YWHAQ: variants seen among roughly 807,000 people sequenced by gnomAD.
The protein encoded by YWHAQ is 14-3-3 protein theta.
A neutral mutation model predicts 28.3 loss-of-function variants in YWHAQ; 6 were observed. That is an observed-to-expected ratio of 0.21 (90% CI 0.12 to 0.42). YWHAQ has a LOEUF of 0.42. Among genes scored for constraint, YWHAQ ranks in the 10% least tolerant of loss-of-function variants. YWHAQ has a pLI of 1.00. For missense variants in YWHAQ, 201 were observed against 305.6 expected (o/e 0.66, Z 2.55); for synonymous variants, 143 against 119.1 (o/e 1.20, Z -1.31).
chr2:9,611,870 T>C (rs566197551), intron 2 of YWHAQ, among the ~76,000 whole-genome samples: 1 of 152,348 alleles, frequency 6.6e-6, no homozygotes, highest in South Asian at 2.1e-4. Flanking sequence ...GGTTTGGCCA[T>C]GTTGGCCAGG....
chr2:9,615,081 C>T (rs1667018364), intron 2 of YWHAQ, among the ~76,000 whole-genome samples: 1 of 152,156 alleles, frequency 6.6e-6, no homozygotes, highest in Non-Finnish European at 1.5e-5. Context: ...TATGTCCTTA[C>T]AGCTTACCAA....
intron 2 of YWHAQ, among the ~76,000 whole-genome samples, chr2:9,595,729 C>T (rs1032238344): frequency 7.4e-5 from 11 of 148,542 alleles, no homozygotes; most frequent in African/African-American, 2.5e-4. Flanking sequence ...AGTCACCAGA[C>T]GGGAGTATAG....
rs1168207842 is a variant in YWHAQ at position 9,630,574 on chromosome 2, G to A, written c.-82-40C>T. 3 of 989,452 alleles carry A rather than the reference G, an allele frequency of 3.0e-6. No individual in the cohort carries two copies. Among genetic ancestry groups the A allele is most frequent in the East Asian group, 2.7e-5 (1 of 36,796 alleles). The allele number at this position is 989,452 out of a possible 1,614,324, so 61.3% of individuals were successfully genotyped here. On this transcript the variant is annotated intron_variant, in intron 1 of 5. Transcript: ENST00000238081. This position sits in a 1 kb window ranked among gnomAD's most constrained non-coding sequence, Gnocchi z 5.6. ...GGCGGCGAGGCGAGAACAAAAAGCA[G>A]AGAGGGAGCGCCGTCAGACAATGCG...
At chr2:9,608,108 C>T (rs1029407252) in intron 2 of YWHAQ, among the ~76,000 whole-genome samples, 16 of 152,210 alleles carry the variant, frequency 1.1e-4, no homozygotes, top group Non-Finnish European at 2.1e-4. Flanking sequence ...TGACTCACAA[C>T]CTTAAAATAG....
rs41308184 is a variant in YWHAQ at position 9,587,528 on chromosome 2, C to T, written c.583-19G>A. ...CAAAAGCCTGATAAATATTAATATC[C>T]ATGGTAAAATATGTGCATTGACGAA... On this transcript the variant is annotated intron_variant, in intron 4 of 5. Coordinates refer to ENST00000238081, the MANE Select transcript of YWHAQ (RefSeq NM_006826.4). 160,470 of 1,568,108 alleles carry T rather than the reference C, an allele frequency of 0.1. 8,699 individuals carry two copies. The highest frequency in any genetic ancestry group is 0.13 in the African/African-American group (9,366 of 73,256).
chr2:9,621,599 T>TC (rs1413444793), intron 2 of YWHAQ, among the ~76,000 whole-genome samples: 1 of 151,776 alleles, frequency 6.6e-6, no homozygotes, highest in Non-Finnish European at 1.5e-5. Context: ...ATCACTAGTT[T>TC]TTTTTCAAAG....
At chr2:9,592,091 C>T (rs754317007) in intron 2 of YWHAQ, among the ~76,000 whole-genome samples, 3 of 151,964 alleles carry the variant, frequency 2.0e-5, no homozygotes, top group South Asian at 2.1e-4. Flanking sequence ...ATTTTAGGGA[C>T]GGGAAACAAA....
At chr2:9,601,637 A>G (rs1263134030) in intron 2 of YWHAQ, among the ~76,000 whole-genome samples, 2 of 152,096 alleles carry the variant, frequency 1.3e-5, no homozygotes, top group Non-Finnish European at 2.9e-5. Flanking sequence ...AACTAAGAGC[A>G]GTTCTTAAGA....
At chr2:9,587,981 ATAGGGTAGAGTAAGGTGTCAGGGG>A (rs1172002930) in intron 4 of YWHAQ, among the ~76,000 whole-genome samples, 160 bp downstream of exon 4, 1 of 152,170 alleles carries the variant, frequency 6.6e-6, no homozygotes, top group African/African-American at 2.4e-5. Flanking sequence ...GCTTATAATC[ATAGGGTAGAGTAAGGTGTCAGGGG>A]TAGGAGTAGG....
chr2:9,610,225 C>T (rs16867075), intron 2 of YWHAQ, among the ~76,000 whole-genome samples: 6,525 of 152,246 alleles, frequency 0.043, 386 homozygotes, highest in African/African-American at 0.13. Flanking sequence ...AATGACAAGA[C>T]GACATGGGTC....
chr2:9,588,349 G>T (rs375412137), intron 3 of YWHAQ, 21 bp from the exon 4 acceptor site: 2 of 1,601,726 alleles, frequency 1.2e-6, no homozygotes, highest in African/African-American at 2.7e-5. Flanking sequence ...CGAAAAATAA[G>T]AAGTGCAATA....
At chr2:9,628,995 TA>T (rs1250336941) in intron 2 of YWHAQ, 21 of 110,148 alleles carry the variant, frequency 1.9e-4, no homozygotes, top group African/African-American at 7.7e-4. Flanking sequence ...TTTTTTTTTT[TA>T]AACAAGGGGT....
intron 2 of YWHAQ, among the ~76,000 whole-genome samples, chr2:9,607,518 C>T (rs1473880430): frequency 6.6e-6 from 1 of 151,502 alleles, no homozygotes; most frequent in Non-Finnish European, 1.5e-5. Context: ...TTTTCTATTA[C>T]ATTAAATCAG....
intron 2 of YWHAQ, among the ~76,000 whole-genome samples, chr2:9,600,722 GA>G (rs1464674253): frequency 6.6e-6 from 1 of 151,856 alleles, no homozygotes; most frequent in African/African-American, 2.4e-5. Context: ...AAAGAAAAAA[GA>G]AAAAAGAAAA....
chr2:9,623,064 C>T (rs554500251), intron 2 of YWHAQ, among the ~76,000 whole-genome samples: 32 of 152,328 alleles, frequency 2.1e-4, no homozygotes, highest in African/African-American at 7.7e-4. Flanking sequence ...CAAAGCAACA[C>T]CTTGACTGAA....
chr2:9,589,206 A>C (rs1329742228), intron 3 of YWHAQ, among the ~76,000 whole-genome samples: 2 of 152,248 alleles, frequency 1.3e-5, no homozygotes, highest in Non-Finnish European at 2.9e-5. Context: ...ATAGTAAATC[A>C]GACTTTTTTC....
chr2:9,604,273 G>A (rs902708097), intron 2 of YWHAQ, among the ~76,000 whole-genome samples: 6 of 152,108 alleles, frequency 3.9e-5, no homozygotes, highest in African/African-American at 1.2e-4. Flanking sequence ...ATTCCAAGGC[G>A]AAGACTGGCA....
chr2:9,593,393 G>GAGACAGGGTGAAACC (rs1451637904), intron 2 of YWHAQ, among the ~76,000 whole-genome samples: 1 of 152,004 alleles, frequency 6.6e-6, no homozygotes, highest in African/African-American at 2.4e-5. Context: ...ATTTTTAGTA[G>GAGACAGGGTGAAACC]AGACAGGGTT....
At chr2:9,593,696 C>T (rs1448032795) in intron 2 of YWHAQ, among the ~76,000 whole-genome samples, 2 of 151,550 alleles carry the variant, frequency 1.3e-5, no homozygotes, top group East Asian at 2.0e-4. Context: ...GGTGTGGTGG[C>T]ATACACCTGT....
Sources: allele counts gnomAD v4.1 joint callset (sites outside exome capture counted in the v4.1 genomes callset), GRCh38; gene constraint gnomAD v4.1.1; non-coding constraint Gnocchi (gnomAD v3.1); transcripts MANE v1.5; gene names NCBI Gene and HGNC (gene_info 2026-07-23, HGNC 2026-07-21).